UBE2E2: variants seen among roughly 807,000 people sequenced by gnomAD.
UBE2E2 encodes the protein ubiquitin-conjugating enzyme E2 E2.
UBE2E2 carries 6 observed loss-of-function variants against 24.7 expected under a neutral mutation model. The observed-to-expected ratio is 0.24, with a 90% CI of 0.13 to 0.48. The LOEUF (loss-of-function observed/expected upper bound fraction) is 0.48. Ranked by LOEUF, UBE2E2 falls within the 20% of genes least tolerant of loss-of-function variation. The pLI is 0.99. For missense variants in UBE2E2, 169 were observed against 245.0 expected (o/e 0.69, Z 2.07); for synonymous variants, 104 against 83.6 (o/e 1.24, Z -1.33).
chr3:23,582,170 C>G (rs551978581), intron 5 of UBE2E2, among the ~76,000 whole-genome samples: 54 of 152,210 alleles, frequency 3.5e-4, no homozygotes, highest in African/African-American at 1.2e-3. Context: ...GTTTTCTGTT[C>G]CTGTGTTTGC....
intron 4 of UBE2E2, among the ~76,000 whole-genome samples, chr3:23,518,609 T>C (rs763523506): frequency 2.0e-5 from 3 of 152,176 alleles, no homozygotes; most frequent in Non-Finnish European, 4.4e-5. Flanking sequence ...TCTTCTCATA[T>C]ATTTGCTGCC....
chr3:23,497,533 C>T (rs1174441537), intron 3 of UBE2E2, among the ~76,000 whole-genome samples: 1 of 152,098 alleles, frequency 6.6e-6, no homozygotes, highest in African/African-American at 2.4e-5. Flanking sequence ...ATTTAATACT[C>T]TATGTTTGTG....
At chr3:23,486,695 A>G (rs147713245) in intron 3 of UBE2E2, among the ~76,000 whole-genome samples, 1 of 152,054 alleles carries the variant, frequency 6.6e-6, no homozygotes, top group Non-Finnish European at 1.5e-5. Flanking sequence ...CTCTCAGGAG[A>G]CTCAAAGTGG....
Position 23,440,562 on chromosome 3 carries a change from C to T in UBE2E2, c.228-59046C>T, listed in dbSNP as rs543115082. ...CAACAAAAGAGAAAATTGTATTTCT[C>T]GATAGAAAGGAAGTGGTCAGATCAT... On this transcript the variant is annotated intron_variant, in intron 3 of 5. Coordinates refer to ENST00000396703, the MANE Select transcript of UBE2E2 (RefSeq NM_152653.4). Among the ~76,000 whole-genome samples the T allele has an allele frequency of 9.2e-5, 14 of 152,202 alleles. No individual in the cohort carries two copies. In the South Asian group the frequency reaches 2.3e-3, roughly 25 times the overall value.
At chr3:23,375,954 A>G (rs1696511497) in intron 3 of UBE2E2, among the ~76,000 whole-genome samples, 2 of 152,234 alleles carry the variant, frequency 1.3e-5, no homozygotes, top group African/African-American at 4.8e-5. Flanking sequence ...TATAGAATAC[A>G]TACTGGTTTT....
At position 23,451,852 on chromosome 3, in the gene UBE2E2, A is replaced by C. The variant is rs149739856; in HGVS notation, c.228-47756A>C. Among the ~76,000 whole-genome samples the C allele has an allele frequency of 7.7e-3, 1,174 of 152,326 alleles. 18 individuals carry two copies. Among genetic ancestry groups the C allele is most frequent in the African/African-American group, 0.026 (1,091 of 41,570 alleles). On this transcript the variant is annotated intron_variant, in intron 3 of 5. Transcript: ENST00000396703. ...CTAAGATAGTGGCCAAGTTTGAAAA[A>C]AATAGAGCAGTACCTAAAGGGTAAG... is the stretch of plus-strand genomic sequence containing the variant.
Position 23,589,775 on chromosome 3 carries a change from A to C in UBE2E2, c.550A>C (p.Asn184His). The change falls in exon 6 of 6, where the codon AAC (asparagine) becomes CAC (histidine). Residue 184 changes from asparagine (N) to histidine (H), a missense_variant. Asn to His is a moderately conservative substitution (Grantham distance 68). Coordinates refer to ENST00000396703, the MANE Select transcript of UBE2E2 (RefSeq NM_152653.4). This position sits in a 1 kb window ranked among gnomAD's most constrained non-coding sequence, Gnocchi z 4.1. ...CAGCATCGCCACACAGTACATGACCAACAGAGCAGAGCATGACCGGATGGC... is the reference window on the plus strand; with the variant it reads ...CAGCATCGCCACACAGTACATGACCCACAGAGCAGAGCATGACCGGATGGC... Reference protein sequence around the residue: ...VGSIATQYMTNRAEHDRMARQ... With the variant: ...VGSIATQYMTHRAEHDRMARQ... 1 of 1,614,184 alleles carries C rather than the reference A, an allele frequency of 6.2e-7. No individual in the cohort carries two copies. The highest frequency in any genetic ancestry group is 8.5e-7 in the Non-Finnish European group (1 of 1,180,020).
intron 3 of UBE2E2, among the ~76,000 whole-genome samples, chr3:23,310,849 G>A (rs1040235917): frequency 6.6e-6 from 1 of 152,138 alleles, no homozygotes; most frequent in Admixed American, 6.5e-5. Flanking sequence ...ATTATTCCTA[G>A]ACTGTGTAGC....
intron 3 of UBE2E2, among the ~76,000 whole-genome samples, chr3:23,222,702 T>TGAAAATGGACTAA: frequency 6.6e-6 from 1 of 152,282 alleles, no homozygotes; most frequent in South Asian, 2.1e-4. Flanking sequence ...ATGGGCAGCG[T>TGAAAATGGACTAA]GAAAATGGAC....
At chr3:23,263,652 A>G (rs1373335524) in intron 3 of UBE2E2, among the ~76,000 whole-genome samples, 78 of 152,224 alleles carry the variant, frequency 5.1e-4, no homozygotes, top group Admixed American at 5.0e-3. Context: ...TGGTTTGAAC[A>G]TAGCCCTGCT....
chr3:23,247,699 A>G (rs891771559), intron 3 of UBE2E2, among the ~76,000 whole-genome samples: 2 of 152,202 alleles, frequency 1.3e-5, no homozygotes, highest in African/African-American at 4.8e-5. Flanking sequence ...AACAAAGTAC[A>G]ATGAAAGGCA....
At chr3:23,401,959 C>T (rs1368887219) in intron 3 of UBE2E2, among the ~76,000 whole-genome samples, 1 of 148,700 alleles carries the variant, frequency 6.7e-6, no homozygotes, top group Non-Finnish European at 1.5e-5. Context: ...TGGGTTCAAG[C>T]AATTCTCCTG....
At chr3:23,375,492 C>T (rs1015211413) in intron 3 of UBE2E2, among the ~76,000 whole-genome samples, 3 of 152,120 alleles carry the variant, frequency 2.0e-5, no homozygotes, top group African/African-American at 7.2e-5. Context: ...GGCGAGAAGA[C>T]TTGGACAGCA....
At chr3:23,271,031 A>G (rs1434679619) in intron 3 of UBE2E2, 2 of 456,528 alleles carry the variant, frequency 4.4e-6, no homozygotes, top group African/African-American at 2.0e-5. Context: ...ACTTCTATTC[A>G]TTTCTCAATT....
intron 3 of UBE2E2, among the ~76,000 whole-genome samples, chr3:23,451,327 A>T (rs1311817302): frequency 6.6e-6 from 1 of 152,230 alleles, no homozygotes; most frequent in Non-Finnish European, 1.5e-5. Flanking sequence ...AAGAATTCTT[A>T]GATCAGTAAT....
chr3:23,538,198 T>G, intron 5 of UBE2E2, among the ~76,000 whole-genome samples: 1 of 152,072 alleles, frequency 6.6e-6, no homozygotes, highest in East Asian at 1.9e-4. Context: ...TTTTTTAAAG[T>G]GAAAAATATT....
chr3:23,534,445 T>A (rs1016548161), intron 5 of UBE2E2, among the ~76,000 whole-genome samples: 2 of 152,142 alleles, frequency 1.3e-5, no homozygotes, highest in African/African-American at 4.8e-5. Context: ...GAAATAATGC[T>A]ATTGATAGTA....
Position 23,485,925 on chromosome 3 carries a change from C to T in UBE2E2, c.228-13683C>T, listed in dbSNP as rs747920151. ...TGCAGAGGTCAAGGAGGAGGTGAGC[C>T]CTACTAGTTTCTTGCTTTGCCTGGT... On this transcript the variant is annotated intron_variant, in intron 3 of 5. Coordinates refer to ENST00000396703, the MANE Select transcript of UBE2E2 (RefSeq NM_152653.4). 1.1e-4 allele frequency among the ~76,000 whole-genome samples: 17 copies of T among 152,072 alleles called. No homozygotes were observed. The East Asian group carries it at 1.5e-3, about 14-fold the overall frequency.
At chr3:23,268,312 G>T (rs1698116413) in intron 3 of UBE2E2, among the ~76,000 whole-genome samples, 1 of 150,262 alleles carries the variant, frequency 6.7e-6, no homozygotes, top group African/African-American at 2.4e-5. Context: ...AAACCCCATT[G>T]TCTCAGCCCA....
Sources: allele counts gnomAD v4.1 joint callset (sites outside exome capture counted in the v4.1 genomes callset), GRCh38; gene constraint gnomAD v4.1.1; non-coding constraint Gnocchi (gnomAD v3.1); transcripts MANE v1.5; gene names NCBI Gene and HGNC (gene_info 2026-07-23, HGNC 2026-07-21).